Variants in PDS5B observed in about 807,000 individuals in gnomAD.
PDS5B encodes the protein PDS5 cohesin associated factor B.
Under a neutral mutation model 184.1 loss-of-function variants are expected in PDS5B, and 51 were observed. That is an observed-to-expected ratio of 0.28 (90% confidence interval 0.22 to 0.35). The LOEUF (loss-of-function observed/expected upper bound fraction) is 0.35, where lower values mean the gene tolerates loss of function less well. Among genes scored for constraint, PDS5B ranks in the 10% least tolerant of loss-of-function variants. The pLI is 1.00. For synonymous variants in PDS5B, 566 were observed against 569.2 expected, an observed-to-expected ratio of 0.99 and a Z score of 0.08; for missense variants, 1,180 against 1,723.3, an observed-to-expected ratio of 0.68 and a Z score of 5.58.
At chr13:32,772,215 A>G (rs868706283) in intron 33 of PDS5B, among the ~76,000 whole-genome samples, 11 of 152,220 alleles carry the variant, frequency 7.2e-5, no homozygotes, top group Non-Finnish European at 1.5e-4. Context: ...TGGATTGCTT[A>G]TAGAAGTGAT....
intron 1 of PDS5B, among the ~76,000 whole-genome samples, chr13:32,632,830 G>A (rs1009460342): frequency 6.6e-6 from 1 of 152,170 alleles, no homozygotes; most frequent in Admixed American, 6.5e-5. Flanking sequence ...TGGGCCAGGC[G>A]TGGTGGCTCA....
At chr13:32,755,729 A>G in intron 25 of PDS5B, 113 bp from the exon 26 acceptor site, 1 of 559,222 alleles carries the variant, frequency 1.8e-6, no homozygotes, top group East Asian at 2.9e-5. Flanking sequence ...AAAATATAGT[A>G]CGAAAGAAAG....
chr13:32,633,513 C>T (rs550844446), intron 1 of PDS5B, among the ~76,000 whole-genome samples: 1 of 152,292 alleles, frequency 6.6e-6, no homozygotes, highest in Admixed American at 6.5e-5. Flanking sequence ...TAGATGTAAT[C>T]AGTGAGACTA....
intron 19 of PDS5B, among the ~76,000 whole-genome samples, chr13:32,713,181 A>G (rs1396144379): frequency 5.3e-5 from 8 of 152,330 alleles, no homozygotes; most frequent in South Asian, 4.1e-4. Context: ...TCTCATTCCT[A>G]TGCTACTTAG....
intron 1 of PDS5B, among the ~76,000 whole-genome samples, chr13:32,612,958 G>A (rs539276689): frequency 1.6e-4 from 25 of 152,258 alleles, no homozygotes; most frequent in African/African-American, 5.5e-4. Context: ...CTGACTTTTT[G>A]TCTGTAGTTT....
chr13:32,605,159 T>C (rs1029881126), intron 1 of PDS5B, among the ~76,000 whole-genome samples: 2 of 152,230 alleles, frequency 1.3e-5, no homozygotes, highest in African/African-American at 4.8e-5. Context: ...AATTGTGATG[T>C]TAGGGTGTCA....
intron 7 of PDS5B, among the ~76,000 whole-genome samples, chr13:32,670,276 GTGT>G (rs1383032631): frequency 6.6e-6 from 1 of 152,136 alleles, no homozygotes; most frequent in Non-Finnish European, 1.5e-5. Flanking sequence ...GAGTTCAGTG[GTGT>G]GATCTTGTTA....
rs772558626 is a variant in PDS5B at position 32,746,098 on chromosome 13, A to G, written c.2734A>G (p.Asn912Asp). 1.2e-6 allele frequency: 2 copies of G among 1,611,534 alleles called. No homozygotes were observed. Among genetic ancestry groups the G allele is most frequent in the South Asian group, 1.1e-5 (1 of 90,588 alleles). ...EQYQLCALAINDECYQVRQVF... is the reference protein window; with the variant it reads ...EQYQLCALAIDDECYQVRQVF... ...ATATCAGCTATGTGCATTAGCTATCAACGTAAGGAAATGGCTGTGTACAAC... is the reference window on the plus strand; with the variant it reads ...ATATCAGCTATGTGCATTAGCTATCGACGTAAGGAAATGGCTGTGTACAAC... The change falls in exon 24 of 35, where the codon AAC becomes GAC. Residue 912 changes from asparagine to aspartate, a missense_variant and splice_region_variant. Asn to Asp is a conservative substitution (Grantham distance 23). This residue lies in a region of PDS5B where 40 missense variants were observed against 107.2 expected (regional missense o/e 0.37). Transcript: ENST00000315596.
intron 26 of PDS5B, among the ~76,000 whole-genome samples, chr13:32,756,749 A>T (rs1478290956): frequency 1.3e-5 from 2 of 152,218 alleles, no homozygotes; most frequent in African/African-American, 4.8e-5. Flanking sequence ...AGGAGAATAA[A>T]ATCAAATTAA....
At chr13:32,726,550 T>C (rs1952907638) in intron 19 of PDS5B, among the ~76,000 whole-genome samples, 1 of 152,192 alleles carries the variant, frequency 6.6e-6, no homozygotes, top group Non-Finnish European at 1.5e-5. Context: ...ACTAGCAGTA[T>C]GTAAGAGTGT....
intron 1 of PDS5B, among the ~76,000 whole-genome samples, chr13:32,592,173 G>A (rs1297257251): frequency 1.3e-5 from 2 of 152,022 alleles, no homozygotes; most frequent in African/African-American, 2.4e-5. Context: ...CTGTCATTTG[G>A]TTTTCTCCTC....
At chr13:32,601,999 A>G (rs2057982426) in intron 1 of PDS5B, among the ~76,000 whole-genome samples, 1 of 152,104 alleles carries the variant, frequency 6.6e-6, no homozygotes, top group South Asian at 2.1e-4. Context: ...TAACTGTAAG[A>G]AGTTAGGTTT....
intron 9 of PDS5B, 114 bp downstream of exon 9, chr13:32,676,073 T>G (rs977552401): frequency 4.0e-5 from 24 of 596,488 alleles, no homozygotes; most frequent in Non-Finnish European, 5.9e-6. Context: ...AATGAAGGAT[T>G]TTTTATGTTG....
intron 7 of PDS5B, 83 bp from the exon 8 acceptor site, chr13:32,673,133 T>C: frequency 8.3e-7 from 1 of 1,197,742 alleles, no homozygotes; most frequent in East Asian, 2.3e-5. Context: ...AAAATAATGA[T>C]GAATTTGGTC....
At chr13:32,631,769 A>G (rs1183490110) in intron 1 of PDS5B, among the ~76,000 whole-genome samples, 1 of 152,220 alleles carries the variant, frequency 6.6e-6, no homozygotes, top group African/African-American at 2.4e-5. Flanking sequence ...TTTAAGGGAA[A>G]AAAAAGTTCT....
chr13:32,705,133 T>A (rs1951971176), intron 17 of PDS5B, among the ~76,000 whole-genome samples: 1 of 152,206 alleles, frequency 6.6e-6, no homozygotes, highest in African/African-American at 2.4e-5. Flanking sequence ...TGGCCTTTTT[T>A]TGTAGTCCAT....
intron 1 of PDS5B, among the ~76,000 whole-genome samples, chr13:32,635,514 T>G (rs2058535616): frequency 1.3e-5 from 2 of 151,060 alleles, no homozygotes; most frequent in South Asian, 4.2e-4. Context: ...CAGCTAATTT[T>G]TGTATTTTTA....
At chr13:32,684,665 C>T (rs1052514458) in intron 11 of PDS5B, among the ~76,000 whole-genome samples, 2 of 152,182 alleles carry the variant, frequency 1.3e-5, no homozygotes, top group African/African-American at 2.4e-5. Flanking sequence ...TTCTGTTCCC[C>T]TCCTGATTGC....
intron 1 of PDS5B, among the ~76,000 whole-genome samples, chr13:32,598,979 C>A (rs1230047565): frequency 6.6e-6 from 1 of 151,978 alleles, no homozygotes; most frequent in Non-Finnish European, 1.5e-5. Context: ...ACTGTGTTAG[C>A]CAGGATGGTC....
Sources: allele counts gnomAD v4.1 joint callset (sites outside exome capture counted in the v4.1 genomes callset), GRCh38; gene constraint gnomAD v4.1.1; regional missense constraint gnomAD v4.1.1; transcripts MANE v1.5; gene names NCBI Gene and HGNC (gene_info 2026-07-23, HGNC 2026-07-21).